The following ANO2 variants were observed in gnomAD, a reference collection of about 807,000 sequenced individuals.
The protein encoded by ANO2 is anoctamin 2.
Under a neutral mutation model 124.2 loss-of-function variants are expected in ANO2, and 101 were observed. That is an observed-to-expected ratio of 0.81 (90% CI 0.69 to 0.96). The LOEUF (loss-of-function observed/expected upper bound fraction) is 0.96, where lower values mean the gene tolerates loss of function less well. ANO2 is among the 40% of genes least tolerant of loss of function. The pLI, the probability that ANO2 is intolerant of heterozygous loss-of-function variation, is 0.00. For synonymous variants in ANO2, 486 were observed against 482.5 expected (o/e 1.01, Z -0.09); for missense variants, 1,293 against 1,274.5 (o/e 1.01, Z -0.22).
intron 14 of ANO2, among the ~76,000 whole-genome samples, chr12:5,716,057 T>C (rs1431413405): frequency 1.3e-5 from 2 of 152,314 alleles, no homozygotes; most frequent in South Asian, 2.1e-4. Flanking sequence ...AATATTACAA[T>C]TTACATTAAA....
intron 4 of ANO2, among the ~76,000 whole-genome samples, chr12:5,833,435 T>C (rs900365752): frequency 6.6e-6 from 1 of 152,178 alleles, no homozygotes; most frequent in African/African-American, 2.4e-5. Flanking sequence ...TTTTAAGAGG[T>C]AGCATCTCTG....
chr12:5,732,945 C>T, intron 13 of ANO2: 1 of 1,586,296 alleles, frequency 6.3e-7, no homozygotes, highest in Non-Finnish European at 8.7e-7. Context: ...CGAAGAGGGG[C>T]CCAGTGCTTT....
intron 3 of ANO2, among the ~76,000 whole-genome samples, chr12:5,884,524 C>T (rs1363748746): frequency 6.6e-6 from 1 of 152,218 alleles, no homozygotes. Context: ...TTGTACTGAC[C>T]CAGGACAGCC....
Position 5,933,420 on chromosome 12 carries a change from ATAAT to A in ANO2, c.23-10620_23-10617del, listed in dbSNP as rs1398277902. On this transcript the variant is annotated intron_variant, in intron 1 of 24. Transcript: ENST00000682330. Reference sequence around the variant, plus strand: ...AAAAGATTTTAAGCAAGAGAACAACATAATTAGATTACATTAGAAAGATGGCCCT... The same window carrying A: ...AAAAGATTTTAAGCAAGAGAACAACATAGATTACATTAGAAAGATGGCCCT... Among the ~76,000 whole-genome samples, 6 of 152,350 alleles carry A rather than the reference ATAAT, an allele frequency of 3.9e-5. No homozygotes were observed. The East Asian group carries it at 1.2e-3, about 29-fold the overall frequency.
chr12:5,592,155 C>T (rs1004782766), intron 20 of ANO2, among the ~76,000 whole-genome samples: 7 of 152,042 alleles, frequency 4.6e-5, no homozygotes, highest in East Asian at 1.9e-4. Context: ...TCAAGAGAAG[C>T]GGGACTTCTA....
intron 16 of ANO2, among the ~76,000 whole-genome samples, chr12:5,622,363 A>G (rs1408564337): frequency 6.6e-6 from 1 of 152,152 alleles, no homozygotes; most frequent in Non-Finnish European, 1.5e-5. Flanking sequence ...CTTCTAAAAA[A>G]CAGCCTGTGC....
intron 3 of ANO2, among the ~76,000 whole-genome samples, chr12:5,905,798 TCTG>T (rs1940637610): frequency 6.6e-6 from 1 of 151,986 alleles, no homozygotes; most frequent in South Asian, 2.1e-4. Context: ...ACAAAAAAAA[TCTG>T]CTAACACCCC....
intron 14 of ANO2, among the ~76,000 whole-genome samples, chr12:5,714,192 A>G (rs927832225): frequency 5.9e-5 from 9 of 152,250 alleles, no homozygotes; most frequent in African/African-American, 2.2e-4. Context: ...AAAGGCTTGA[A>G]GGACACAGAA....
At chr12:5,572,846 G>A (rs559401254) in intron 23 of ANO2, among the ~76,000 whole-genome samples, 320 of 152,182 alleles carry the variant, frequency 2.1e-3, no homozygotes, top group African/African-American at 7.3e-3. Context: ...TCTGCCACTC[G>A]GTGTCAGATT....
intron 10 of ANO2, among the ~76,000 whole-genome samples, chr12:5,753,829 G>A (rs952022536): frequency 1.3e-5 from 2 of 152,010 alleles, no homozygotes; most frequent in Admixed American, 6.6e-5. Flanking sequence ...CATGTCATCT[G>A]GAAACTAAGG....
chr12:5,844,763 T>C (rs190928378), intron 4 of ANO2, among the ~76,000 whole-genome samples: 15 of 152,232 alleles, frequency 9.9e-5, no homozygotes, highest in East Asian at 1.9e-4. Context: ...CTGCAGAACA[T>C]TGGTTCCTCA....
At chr12:5,577,345 C>T (rs1177262500) in intron 22 of ANO2, among the ~76,000 whole-genome samples, 1 of 152,176 alleles carries the variant, frequency 6.6e-6, no homozygotes, top group Non-Finnish European at 1.5e-5. Flanking sequence ...GGAGGTGGGA[C>T]AGGAGGCCCT....
intron 8 of ANO2, among the ~76,000 whole-genome samples, chr12:5,806,537 C>A (rs1953198611): frequency 6.6e-6 from 1 of 152,230 alleles, no homozygotes. Flanking sequence ...GGGAGCCCCA[C>A]CTCAGCAGTC....
intron 14 of ANO2, among the ~76,000 whole-genome samples, chr12:5,707,377 T>G (rs1318151272): frequency 6.6e-6 from 1 of 152,208 alleles, no homozygotes; most frequent in East Asian, 1.9e-4. Flanking sequence ...GAAAACAAAC[T>G]AATACAATAC....
Position 5,779,664 on chromosome 12 carries a change from C to T in ANO2, c.1055+19843G>A, listed in dbSNP as rs545207124. ...CTGTCATAATCCAGACCAGAGCTAA[C>T]ATCACCAAAAAAGAGACATAGCAAC... On this transcript the variant is annotated intron_variant, in intron 10 of 24. Coordinates refer to ENST00000682330, the MANE Select transcript of ANO2 (RefSeq NM_001364791.2). Among the ~76,000 whole-genome samples the T allele has an allele frequency of 3.4e-4, 52 of 152,298 alleles. No individual in the cohort carries two copies. In the South Asian group the frequency reaches 9.7e-3, roughly 29 times the overall value.
At chr12:5,873,196 G>GCTCTCTCTCTCTCTCTCTCTCTCTCTCT (rs57038931) in intron 3 of ANO2, among the ~76,000 whole-genome samples, 2 of 118,934 alleles carry the variant, frequency 1.7e-5, no homozygotes, top group African/African-American at 6.8e-5. Context: ...GCCTAAAGCA[G>GCTCTCTCTCTCTCTCTCTCTCTCTCTCT]CTCTCTCTCT....
At chr12:5,590,851 G>A (rs1943360910) in intron 20 of ANO2, among the ~76,000 whole-genome samples, 1 of 152,166 alleles carries the variant, frequency 6.6e-6, no homozygotes, top group Admixed American at 6.5e-5. Context: ...TCCTGGGAAG[G>A]TCTGCTGAAA....
At chr12:5,757,740 T>C (rs1951621182) in intron 10 of ANO2, among the ~76,000 whole-genome samples, 1 of 152,242 alleles carries the variant, frequency 6.6e-6, no homozygotes, top group Admixed American at 6.5e-5. Flanking sequence ...CCAGGAGAAC[T>C]GAATTTTTTT....
rs557151405 is a variant in ANO2 at position 5,834,367 on chromosome 12, T to G, written c.634-1764A>C. ...GAGGGGCAGTAAGACTGGTATGAAA[T>G]ACTTGTCTTCATACTTGGGCACCTG... On this transcript the variant is annotated intron_variant, in intron 4 of 24. Coordinates refer to ENST00000682330, the MANE Select transcript of ANO2 (RefSeq NM_001364791.2). Among the ~76,000 whole-genome samples, 11 of 152,300 alleles carry G rather than the reference T, an allele frequency of 7.2e-5. 1 individual carries two copies. In the South Asian group the frequency reaches 2.3e-3, roughly 32 times the overall value.
Sources: allele counts gnomAD v4.1 joint callset (sites outside exome capture counted in the v4.1 genomes callset), GRCh38; gene constraint gnomAD v4.1.1; transcripts MANE v1.5; gene names NCBI Gene and HGNC (gene_info 2026-07-23, HGNC 2026-07-21).